Variants in TCF12 observed in about 807,000 individuals in gnomAD.
TCF12 encodes the protein transcription factor 12.
TCF12 carries 45 observed loss-of-function variants against 86.0 expected under a neutral mutation model. The observed-to-expected ratio is 0.52, with a 90% CI of 0.41 to 0.67. TCF12 has a LOEUF of 0.67. TCF12 is among the 30% of genes least tolerant of loss of function. TCF12 has a pLI of 0.00. For missense variants in TCF12, 881 were observed against 859.9 expected, an observed-to-expected ratio of 1.02 and a Z score of -0.31; for synonymous variants, 330 against 299.6, an observed-to-expected ratio of 1.10 and a Z score of -1.05.
intron 4 of TCF12, among the ~76,000 whole-genome samples, chr15:57,079,393 C>G (rs540896914): frequency 6.5e-4 from 99 of 152,042 alleles, no homozygotes; most frequent in African/African-American, 2.3e-3. Flanking sequence ...CACTGAGAAG[C>G]ATTAAAAAAT....
At chr15:57,184,977 C>T (rs1422543237) in intron 6 of TCF12, among the ~76,000 whole-genome samples, 1 of 152,128 alleles carries the variant, frequency 6.6e-6, no homozygotes, top group East Asian at 1.9e-4. Context: ...TTAATGGAGA[C>T]TACTTCTCCT....
intron 3 of TCF12, among the ~76,000 whole-genome samples, chr15:56,952,138 T>A (rs1313254662): frequency 3.3e-5 from 5 of 152,100 alleles, no homozygotes; most frequent in Non-Finnish European, 7.4e-5. Flanking sequence ...CCTTTGCATG[T>A]TTGTGAACAA....
intron 3 of TCF12, among the ~76,000 whole-genome samples, chr15:56,959,193 T>C (rs1340951629): frequency 1.3e-5 from 2 of 152,256 alleles, no homozygotes; most frequent in African/African-American, 4.8e-5. Flanking sequence ...TTAATACTTG[T>C]TTATTTAAAA....
chr15:56,992,778 A>C (rs2063516608), intron 3 of TCF12, among the ~76,000 whole-genome samples: 1 of 152,226 alleles, frequency 6.6e-6, no homozygotes, highest in South Asian at 2.1e-4. Context: ...CATGTGAATT[A>C]GTGCAATTTT....
intron 3 of TCF12, among the ~76,000 whole-genome samples, chr15:56,973,337 A>G (rs2062433839): frequency 6.6e-6 from 1 of 152,114 alleles, no homozygotes; most frequent in African/African-American, 2.4e-5. Flanking sequence ...GACATCTGAG[A>G]AAGTCAGGAG....
intron 3 of TCF12, among the ~76,000 whole-genome samples, chr15:56,998,054 C>G (rs907968163): frequency 6.6e-6 from 1 of 152,126 alleles, no homozygotes; most frequent in Non-Finnish European, 1.5e-5. Flanking sequence ...GAAGCAAAAT[C>G]TGATAGAACT....
At chr15:57,195,497 G>A (rs539735823) in intron 7 of TCF12, among the ~76,000 whole-genome samples, 1 of 152,272 alleles carries the variant, frequency 6.6e-6, no homozygotes, top group East Asian at 1.9e-4. Context: ...TGAGTAGTTG[G>A]GGTTTTATAA....
chr15:57,030,991 C>T (rs2066141993), intron 3 of TCF12, among the ~76,000 whole-genome samples: 1 of 152,204 alleles, frequency 6.6e-6, no homozygotes, highest in South Asian at 2.1e-4. Flanking sequence ...ATGCCAACCA[C>T]TTGACTTGCC....
At chr15:57,245,832 A>G (rs970898974) in intron 13 of TCF12, among the ~76,000 whole-genome samples, 5 of 152,222 alleles carry the variant, frequency 3.3e-5, no homozygotes, top group African/African-American at 9.6e-5. Context: ...ATAATCAAAG[A>G]AAAATACTTT....
At chr15:57,228,274 A>G (rs530106766) in intron 8 of TCF12, among the ~76,000 whole-genome samples, 11 of 152,118 alleles carry the variant, frequency 7.2e-5, no homozygotes, top group African/African-American at 2.7e-4. Flanking sequence ...AGCTATAGTT[A>G]AGATACCAAA....
intron 4 of TCF12, among the ~76,000 whole-genome samples, chr15:57,076,393 C>A (rs1254308284): frequency 6.6e-6 from 1 of 152,014 alleles, no homozygotes; most frequent in Non-Finnish European, 1.5e-5. Context: ...CACGGTGGCT[C>A]ACACCTGTAA....
intron 18 of TCF12, among the ~76,000 whole-genome samples, chr15:57,269,904 T>C (rs1035756102): frequency 2.6e-5 from 4 of 152,234 alleles, no homozygotes; most frequent in Non-Finnish European, 5.9e-5. Context: ...TTCTGGCTTG[T>C]AGGGTTTCTG....
At chr15:57,100,638 A>G (rs1198174285) in intron 5 of TCF12, among the ~76,000 whole-genome samples, 2 of 152,082 alleles carry the variant, frequency 1.3e-5, no homozygotes, top group South Asian at 4.1e-4. Flanking sequence ...TTTAAAATAA[A>G]TGGTTTCATA....
chr15:57,251,311 A>G (rs757416169), intron 13 of TCF12, 39 bp from the exon 14 acceptor site: 2 of 1,544,784 alleles, frequency 1.3e-6, no homozygotes, highest in South Asian at 2.2e-5. Flanking sequence ...AAGATCACTG[A>G]GTTAACCCAG....
chr15:57,183,884 G>C (rs552569679), intron 6 of TCF12, among the ~76,000 whole-genome samples: 54 of 152,232 alleles, frequency 3.5e-4, no homozygotes, highest in African/African-American at 1.3e-3. Context: ...AACCAGTGCT[G>C]TTTCCAGAAC....
intron 5 of TCF12, among the ~76,000 whole-genome samples, chr15:57,161,602 G>T (rs1396714005): frequency 6.6e-6 from 1 of 152,074 alleles, no homozygotes; most frequent in Non-Finnish European, 1.5e-5. Flanking sequence ...CTAGAGTTGG[G>T]TTTCTTAACC....
intron 6 of TCF12, among the ~76,000 whole-genome samples, chr15:57,173,865 G>A (rs1395483073): frequency 2.6e-5 from 4 of 151,674 alleles, no homozygotes; most frequent in African/African-American, 9.7e-5. Context: ...CCGCCACCAC[G>A]CCTGGCTAAT....
At chr15:57,218,464 C>T (rs2058426449) in intron 8 of TCF12, among the ~76,000 whole-genome samples, 1 of 152,120 alleles carries the variant, frequency 6.6e-6, no homozygotes, top group African/African-American at 2.4e-5. Flanking sequence ...CTTTTGACTT[C>T]GAAGTATGAG....
chr15:57,231,991 T>C (rs1392325211), intron 9 of TCF12, among the ~76,000 whole-genome samples: 1 of 152,226 alleles, frequency 6.6e-6, no homozygotes, highest in Non-Finnish European at 1.5e-5. Context: ...AAAATAAATC[T>C]AGCCTATTCC....
Sources: allele counts gnomAD v4.1 joint callset (sites outside exome capture counted in the v4.1 genomes callset), GRCh38; gene constraint gnomAD v4.1.1; transcripts MANE v1.5; gene names NCBI Gene and HGNC (gene_info 2026-07-23, HGNC 2026-07-21).